The following TRPC4AP variants were observed in gnomAD, a reference collection of about 807,000 sequenced individuals.
The protein encoded by TRPC4AP is transient receptor potential cation channel subfamily C member 4 associated protein, also known as short transient receptor potential channel 4-associated protein.
TRPC4AP carries 45 observed loss-of-function variants against 99.0 expected under a neutral mutation model. That is an observed-to-expected ratio of 0.45 (90% CI 0.36 to 0.58). The LOEUF (loss-of-function observed/expected upper bound fraction) is 0.58. Ranked by LOEUF, TRPC4AP falls within the 20% of genes least tolerant of loss-of-function variation. The pLI is 0.00. For synonymous variants in TRPC4AP, 408 were observed against 385.8 expected (o/e 1.06, Z -0.67); for missense variants, 879 against 985.3 (o/e 0.89, Z 1.44).
At chr20:35,086,481 GTGTGTATATATATA>G (rs2084863437) in intron 1 of TRPC4AP, among the ~76,000 whole-genome samples, 5 of 125,004 alleles carry the variant, frequency 4.0e-5, no homozygotes, top group South Asian at 2.5e-4. Flanking sequence ...GTGTGTATGT[GTGTGTATATATATA>G]TGTGTATATA....
intron 9 of TRPC4AP, among the ~76,000 whole-genome samples, chr20:35,017,783 G>A (rs917788524): frequency 6.6e-6 from 1 of 152,320 alleles, no homozygotes; most frequent in South Asian, 2.1e-4. Flanking sequence ...ATTAGGTTGT[G>A]TAAAAGTAAT....
In TRPC4AP at chr20:35,082,363, C is replaced by A. The variant is rs1047799764; in HGVS notation, c.169-4189G>T. Among the ~76,000 whole-genome samples the A allele has an allele frequency of 2.0e-5, 3 of 152,080 alleles. No individual in the cohort carries two copies. The East Asian group carries it at 5.8e-4, about 29-fold the overall frequency. On this transcript the variant is annotated intron_variant, in intron 1 of 18. Coordinates refer to ENST00000252015, the MANE Select transcript of TRPC4AP (RefSeq NM_015638.3). ...CAAAATGACCAGCTGCTAGGCCATA[C>A]TGCAAATGTCAATACATTTAAATGA...
intron 3 of TRPC4AP, among the ~76,000 whole-genome samples, chr20:35,062,286 G>A (rs545727090): frequency 6.6e-6 from 1 of 152,126 alleles, no homozygotes; most frequent in South Asian, 2.1e-4. Flanking sequence ...CCACTTCTAG[G>A]TATATACCAA....
At chr20:35,086,535 G>GTA (rs1569158044) in intron 1 of TRPC4AP, among the ~76,000 whole-genome samples, 1 of 17,746 alleles carries the variant, frequency 5.6e-5, no homozygotes, top group African/African-American at 3.3e-4. Context: ...ATGTGTGTGT[G>GTA]TGTGTGTGTG....
At chr20:35,064,549 AACT>A (rs2084091238) in intron 3 of TRPC4AP, among the ~76,000 whole-genome samples, 1 of 150,912 alleles carries the variant, frequency 6.6e-6, no homozygotes, top group Admixed American at 6.6e-5. Context: ...AAAAATCCTA[AACT>A]ACTACACCAC....
intron 8 of TRPC4AP, among the ~76,000 whole-genome samples, chr20:35,033,854 A>C (rs1050844514): frequency 8.7e-5 from 6 of 69,328 alleles, no homozygotes; most frequent in Non-Finnish European, 1.6e-4. Context: ...ATAAAAAATA[A>C]AAGAGTAAAG....
intron 2 of TRPC4AP, 138 bp from the exon 3 acceptor site, chr20:35,069,550 G>C (rs2084250480): frequency 4.9e-6 from 3 of 617,354 alleles, no homozygotes; most frequent in Non-Finnish European, 8.7e-6. Context: ...ACACTTCCTA[G>C]TATTCAGGCC....
intron 10 of TRPC4AP, among the ~76,000 whole-genome samples, chr20:35,014,314 A>AATTT (rs764649117): frequency 8.8e-6 from 1 of 113,190 alleles, no homozygotes; most frequent in East Asian, 2.6e-4. Flanking sequence ...CTCAGGCAGA[A>AATTT]TTTTTTTTTT....
rs1395889360 is a variant in TRPC4AP, at chr20:35,046,742, C to A, written c.658-2030G>T. ...AGTACAAAACAAATGTAAGCTACTACTATTATTGGCAACTGTAACTTGTAG... is the reference window on the plus strand; with the variant it reads ...AGTACAAAACAAATGTAAGCTACTAATATTATTGGCAACTGTAACTTGTAG... On this transcript the variant is annotated intron_variant, in intron 6 of 18. Coordinates refer to ENST00000252015, the MANE Select transcript of TRPC4AP (RefSeq NM_015638.3). Among the ~76,000 whole-genome samples the A allele has an allele frequency of 2.0e-5, 3 of 152,182 alleles. No individual in the cohort carries two copies. In the East Asian group the frequency reaches 5.8e-4, roughly 29 times the overall value.
At chr20:35,073,489 G>A (rs1600646411) in intron 2 of TRPC4AP, among the ~76,000 whole-genome samples, 1 of 152,138 alleles carries the variant, frequency 6.6e-6, no homozygotes. Context: ...CAGCATGAAG[G>A]GCTGTTGAAT....
intron 16 of TRPC4AP, 128 bp from the exon 17 acceptor site, chr20:35,004,698 C>T (rs535818232): frequency 2.0e-5 from 14 of 708,192 alleles, no homozygotes; most frequent in Admixed American, 6.8e-5. Context: ...ACAGCTTCAA[C>T]GAAAGCTGAC....
rs1376180622 is a variant in TRPC4AP at position 35,069,402 on chromosome 20, G to A, written c.308C>T (p.Pro103Leu). The A allele has an allele frequency of 1.2e-6, 2 of 1,605,600 alleles. No homozygotes were observed. The highest frequency in any genetic ancestry group is 1.1e-5 in the South Asian group (1 of 90,204). ...TGCCATAGCCTCCATGGAGAGAAGA[G>A]GAGAAATTTCCTAGTTTTTTTAAAA... ...ECQNILKEIS[P>L]LLSMEAMAFV... The change falls in exon 3 of 19, where the codon CCT becomes CTT. Residue 103 changes from proline to leucine, a missense_variant. Pro to Leu is a moderately conservative substitution (Grantham distance 98, BLOSUM62 -3). This residue lies in a region of TRPC4AP where 603 missense variants were observed against 631.8 expected (regional missense o/e 0.95). Transcript: ENST00000252015.
intron 7 of TRPC4AP, 83 bp downstream of exon 7, chr20:35,044,421 GA>G: frequency 1.8e-6 from 2 of 1,133,596 alleles, no homozygotes; most frequent in Admixed American, 2.9e-5. Context: ...AAAAAGAAAA[GA>G]AAAGAAAAAG....
At chr20:35,078,873 C>T (rs895880371) in intron 1 of TRPC4AP, among the ~76,000 whole-genome samples, 5 of 152,200 alleles carry the variant, frequency 3.3e-5, no homozygotes, top group African/African-American at 1.2e-4. Context: ...TGAGACCAGC[C>T]TGGCTAACGT....
chr20:35,028,131 A>G (rs1293136977), intron 8 of TRPC4AP, among the ~76,000 whole-genome samples: 1 of 152,198 alleles, frequency 6.6e-6, no homozygotes, highest in Non-Finnish European at 1.5e-5. Flanking sequence ...TTATAGCTCT[A>G]AAGTTCCCTC....
intron 10 of TRPC4AP, among the ~76,000 whole-genome samples, chr20:35,014,052 G>A (rs946083143): frequency 6.6e-6 from 1 of 152,186 alleles, no homozygotes; most frequent in Non-Finnish European, 1.5e-5. Context: ...GGCTACACAG[G>A]TATCCAAGGG....
At chr20:35,059,270 T>TAG (rs2083917702) in intron 3 of TRPC4AP, among the ~76,000 whole-genome samples, 2 of 152,246 alleles carry the variant, frequency 1.3e-5, no homozygotes, top group South Asian at 4.1e-4. Flanking sequence ...AAAGTGATTA[T>TAG]AAGGAACTAC....
At chr20:35,008,236 T>C (rs1394791149) in intron 13 of TRPC4AP, among the ~76,000 whole-genome samples, 1 of 152,118 alleles carries the variant, frequency 6.6e-6, no homozygotes, top group Non-Finnish European at 1.5e-5. Flanking sequence ...ATCTTAGATG[T>C]ATCTAAGGAC....
In TRPC4AP at chr20:35,003,025, T is replaced by C. The variant is rs2082426041; in HGVS notation, c.*121A>G. ...TAGGACTTCCCTCCCACCAAGCCTG[T>C]ACCCAAAGACCTGGGGCAGGCAGAG... is the stretch of plus-strand genomic sequence containing the variant. On this transcript the variant is annotated 3_prime_UTR_variant, in exon 19 of 19. Transcript: ENST00000252015. The C allele has an allele frequency of 7.1e-7, 1 of 1,417,606 alleles. No homozygotes were observed. The highest frequency in any genetic ancestry group is 1.3e-5 in the South Asian group (1 of 76,586). The allele number at this position is 1,417,606 out of a possible 1,614,324, so 87.8% of individuals were successfully genotyped here.
Sources: allele counts gnomAD v4.1 joint callset (sites outside exome capture counted in the v4.1 genomes callset), GRCh38; gene constraint gnomAD v4.1.1; regional missense constraint gnomAD v4.1.1; transcripts MANE v1.5; gene names NCBI Gene and HGNC (gene_info 2026-07-23, HGNC 2026-07-21).